The following PDE1C variants were observed in gnomAD, a reference collection of about 807,000 sequenced individuals.
PDE1C encodes the protein phosphodiesterase 1C.
In PDE1C, 62 loss-of-function variants were observed where a neutral mutation model predicts 93.1. The observed-to-expected ratio is 0.67, with a 90% CI of 0.54 to 0.82. The LOEUF (loss-of-function observed/expected upper bound fraction) is 0.82, where lower values mean the gene tolerates loss of function less well. Among genes scored for constraint, PDE1C ranks in the 40% least tolerant of loss-of-function variants. The probability of loss-of-function intolerance (pLI) is 0.00; values close to 1 mark genes in which losing one functional copy is unlikely to be tolerated. For missense variants in PDE1C, 742 were observed against 884.6 expected, an observed-to-expected ratio of 0.84 and a Z score of 2.04; for synonymous variants, 325 against 310.1, an observed-to-expected ratio of 1.05 and a Z score of -0.50.
chr7:31,622,460 A>T, the PDE1C span, among the ~76,000 whole-genome samples: 1 of 151,174 alleles, frequency 6.6e-6, no homozygotes, highest in African/African-American at 2.4e-5. Context: ...AACTCACTCA[A>T]AACTGCTCAA....
At chr7:31,697,147 G>A in the PDE1C span, 5 of 1,611,014 alleles carry the variant, frequency 3.1e-6, no homozygotes, top group Non-Finnish European at 4.2e-6. Context: ...GCATTTGCAG[G>A]GGGTGATGGG....
intron 3 of PDE1C, among the ~76,000 whole-genome samples, chr7:32,120,286 G>T (rs575157999): frequency 6.6e-6 from 1 of 152,348 alleles, no homozygotes; most frequent in African/African-American, 2.4e-5. Context: ...AGTCTCTGCA[G>T]ACCGTCATAC....
At chr7:31,620,780 G>A in the PDE1C span, among the ~76,000 whole-genome samples, 435 of 152,332 alleles carry the variant, frequency 2.9e-3, 8 homozygotes, top group East Asian at 0.052. Flanking sequence ...GAGGAGGCGA[G>A]AGAAGAAGAC....
chr7:31,670,998 T>C, the PDE1C span, among the ~76,000 whole-genome samples: 1 of 152,088 alleles, frequency 6.6e-6, no homozygotes, highest in African/African-American at 2.4e-5. Context: ...GGGGAAAGAT[T>C]ACCTTTCCAC....
intron 3 of PDE1C, among the ~76,000 whole-genome samples, chr7:32,134,420 G>A (rs1249543395): frequency 6.6e-6 from 1 of 152,020 alleles, no homozygotes; most frequent in Non-Finnish European, 1.5e-5. Flanking sequence ...GTAGAGAAGA[G>A]GCCCAGGATG....
the PDE1C span, among the ~76,000 whole-genome samples, chr7:31,649,946 G>C: frequency 1.3e-5 from 2 of 152,182 alleles, no homozygotes; most frequent in Admixed American, 1.3e-4. Context: ...TCTAAAGAGA[G>C]AATAAGGGAG....
chr7:32,088,036 G>T (rs907962781), intron 3 of PDE1C, among the ~76,000 whole-genome samples: 14 of 149,112 alleles, frequency 9.4e-5, no homozygotes, highest in Middle Eastern at 3.5e-3. Flanking sequence ...ATAAAAAAAA[G>T]AAAATGTGTT....
the PDE1C span, among the ~76,000 whole-genome samples, chr7:31,681,018 C>T: frequency 6.6e-6 from 1 of 152,188 alleles, no homozygotes; most frequent in Non-Finnish European, 1.5e-5. Flanking sequence ...AGCCTAGCCA[C>T]TTAACGTGAT....
intron 9 of PDE1C, among the ~76,000 whole-genome samples, chr7:31,838,549 A>G (rs1319268481): frequency 6.6e-6 from 1 of 152,144 alleles, no homozygotes; most frequent in African/African-American, 2.4e-5. Context: ...TCCATAGTTT[A>G]CATTAAGGTT....
At chr7:31,653,969 C>T in the PDE1C span, among the ~76,000 whole-genome samples, 3 of 149,068 alleles carry the variant, frequency 2.0e-5, no homozygotes, top group East Asian at 4.0e-4. Flanking sequence ...CTACTGTGTG[C>T]AGGCTACTAT....
chr7:31,784,113 C>T (rs529364735), intron 16 of PDE1C: 2 of 152,150 alleles, frequency 1.3e-5, no homozygotes, highest in Non-Finnish European at 2.9e-5. Context: ...ATATTTCTCA[C>T]AAATCCAGCT....
At chr7:32,052,072 G>A (rs1207483114) in intron 1 of PDE1C, among the ~76,000 whole-genome samples, 1 of 152,162 alleles carries the variant, frequency 6.6e-6, no homozygotes, top group Non-Finnish European at 1.5e-5. Flanking sequence ...ATCTAGCACT[G>A]AGGTCCCTTT....
chr7:32,367,262 C>T (rs913674796), intron 1 of PDE1C, among the ~76,000 whole-genome samples: 3 of 152,044 alleles, frequency 2.0e-5, no homozygotes, highest in African/African-American at 7.2e-5. Flanking sequence ...AAAGCCAATA[C>T]AGAAAGGAGA....
chr7:32,122,832 A>G (rs1799372032), intron 3 of PDE1C, among the ~76,000 whole-genome samples: 1 of 152,218 alleles, frequency 6.6e-6, no homozygotes, highest in South Asian at 2.1e-4. Context: ...AACTAATCCA[A>G]AAGCTAGCAG....
chr7:32,005,677 G>A (rs1786150293), intron 2 of PDE1C, among the ~76,000 whole-genome samples: 1 of 150,364 alleles, frequency 6.7e-6, no homozygotes, highest in African/African-American at 2.5e-5. Context: ...TATAAAAGAA[G>A]GGGTTCCTCC....
intron 2 of PDE1C, among the ~76,000 whole-genome samples, chr7:32,202,247 T>C (rs747357200): frequency 7.2e-5 from 11 of 152,194 alleles, no homozygotes; most frequent in Non-Finnish European, 1.3e-4. Context: ...CCTAGGGATA[T>C]GTCTTTGTAT....
intron 1 of PDE1C, among the ~76,000 whole-genome samples, chr7:32,308,685 G>A (rs796487275): frequency 6.6e-6 from 1 of 152,352 alleles, no homozygotes; most frequent in East Asian, 1.9e-4. Context: ...TGCAGCTGAG[G>A]GTCCTGTCTG....
the PDE1C span, among the ~76,000 whole-genome samples, chr7:31,731,010 T>C: frequency 1.3e-5 from 2 of 151,968 alleles, no homozygotes; most frequent in African/African-American, 4.8e-5. Context: ...CTAGAAAATT[T>C]ACAGATAGGC....
In PDE1C at chr7:32,264,086, T is replaced by A. The variant is rs925297663; in HGVS notation, c.85+34565A>T. ...ATATCCATTGATGATTCTTGCCTGA[T>A]CTGATCTTTACCACGATGGATGCAA... On this transcript the variant is annotated intron_variant, in intron 1 of 18. Coordinates refer to the PDE1C transcript ENST00000396193. Among the ~76,000 whole-genome samples, 3 of 152,204 alleles carry A rather than the reference T, an allele frequency of 2.0e-5. No homozygotes were observed. The South Asian group carries it at 6.2e-4, about 32-fold the overall frequency.
Sources: gnomAD v4.1 joint callset for allele counts (sites outside exome capture counted in the v4.1 genomes callset) on GRCh38, gnomAD v4.1.1 for gene constraint, MANE v1.5 for transcripts, NCBI Gene and HGNC (gene_info 2026-07-23, HGNC 2026-07-21) for gene names.